The following WDR72 variants were observed in gnomAD, a reference collection of about 807,000 sequenced individuals.
WDR72 encodes WD repeat-containing protein 72.
A neutral mutation model predicts 124.2 loss-of-function variants in WDR72; 120 were observed. That is an observed-to-expected ratio of 0.97 (90% CI 0.83 to 1.12). WDR72 has a LOEUF of 1.12. WDR72 is among the 50% of genes most tolerant of loss of function. The pLI is 0.00. For missense variants in WDR72, 1,387 were observed against 1,278.8 expected (o/e 1.08, Z -1.29); for synonymous variants, 452 against 441.7 (o/e 1.02, Z -0.29).
chr15:53,742,415 G>T (rs1168653243), intron 1 of WDR72, among the ~76,000 whole-genome samples: 1 of 152,124 alleles, frequency 6.6e-6, no homozygotes, highest in Non-Finnish European at 1.5e-5. Flanking sequence ...AAGTTTTAAA[G>T]AAGTCTTTGG....
intron 1 of WDR72, among the ~76,000 whole-genome samples, chr15:53,735,547 A>C (rs1055562359): frequency 6.6e-6 from 1 of 152,208 alleles, no homozygotes; most frequent in African/African-American, 2.4e-5. Context: ...TTTATACTTT[A>C]AATGCATTTA....
At chr15:53,609,424 G>T in intron 17 of WDR72, 89 bp downstream of exon 17, 2 of 1,130,448 alleles carry the variant, frequency 1.8e-6, no homozygotes, top group East Asian at 4.9e-5. Context: ...AAGAGTAACT[G>T]CTTGTATTTT....
At chr15:53,688,551 A>G (rs2016725715) in intron 13 of WDR72, among the ~76,000 whole-genome samples, 1 of 152,146 alleles carries the variant, frequency 6.6e-6, no homozygotes, top group South Asian at 2.1e-4. Flanking sequence ...CCACTGCTCG[A>G]GGAAATAAAA....
chr15:53,650,468 G>C (rs1293431568), intron 14 of WDR72, among the ~76,000 whole-genome samples: 2 of 152,128 alleles, frequency 1.3e-5, no homozygotes, highest in Non-Finnish European at 2.9e-5. Flanking sequence ...CAGGTTCAAA[G>C]ACTTCCTCTT....
At chr15:53,673,024 G>C (rs1237977195) in intron 13 of WDR72, among the ~76,000 whole-genome samples, 1 of 152,112 alleles carries the variant, frequency 6.6e-6, no homozygotes, top group Non-Finnish European at 1.5e-5. Flanking sequence ...AGGAGGCTGA[G>C]GTGGGAGGAT....
At chr15:53,672,524 G>A (rs866323215) in intron 13 of WDR72, among the ~76,000 whole-genome samples, 2 of 152,096 alleles carry the variant, frequency 1.3e-5, no homozygotes, top group Non-Finnish European at 2.9e-5. Flanking sequence ...CTTAAATAGA[G>A]CAAATAATCA....
intron 13 of WDR72, among the ~76,000 whole-genome samples, chr15:53,689,858 C>A (rs534520306): frequency 1.3e-5 from 2 of 151,752 alleles, no homozygotes; most frequent in African/African-American, 2.4e-5. Flanking sequence ...AAATGTTGCA[C>A]GTATACACCA....
chr15:53,726,750 G>A (rs1248359359), intron 2 of WDR72, among the ~76,000 whole-genome samples: 2 of 151,988 alleles, frequency 1.3e-5, no homozygotes, highest in African/African-American at 4.8e-5. Context: ...AGGCTAAGGT[G>A]GAAGAATCGC....
At chr15:53,550,246 T>C (rs1011950696) in intron 18 of WDR72, among the ~76,000 whole-genome samples, 5 of 152,216 alleles carry the variant, frequency 3.3e-5, no homozygotes, top group African/African-American at 4.8e-5. Context: ...CCATATAGTC[T>C]CTATCAAAAC....
At chr15:53,567,455 CA>C (rs1233597430) in intron 18 of WDR72, among the ~76,000 whole-genome samples, 7 of 151,936 alleles carry the variant, frequency 4.6e-5, no homozygotes, top group African/African-American at 1.7e-4. Context: ...AACAAACAAA[CA>C]AAAAACCCTG....
At chr15:53,602,557 T>C (rs1257247983) in intron 17 of WDR72, among the ~76,000 whole-genome samples, 1 of 150,548 alleles carries the variant, frequency 6.6e-6, no homozygotes, top group Non-Finnish European at 1.5e-5. Flanking sequence ...AGCTGGTTTT[T>C]GGAAAATAAA....
At chr15:53,558,299 C>T (rs1371889708) in intron 18 of WDR72, among the ~76,000 whole-genome samples, 1 of 152,024 alleles carries the variant, frequency 6.6e-6, no homozygotes, top group Non-Finnish European at 1.5e-5. Context: ...TTTGCCTCGT[C>T]CTATCACCTG....
chr15:53,648,459 C>A lies in WDR72; in HGVS notation c.1962+17113G>T, dbSNP rs552651473. On this transcript the variant is annotated intron_variant, in intron 14 of 19. Coordinates refer to ENST00000360509, the MANE Select transcript of WDR72 (RefSeq NM_182758.4). Reference sequence around the variant, plus strand: ...TGAAATCAGCAGTATCAAGTTGATGCTTTCTAAACATCATACTAACAAGCT... The same window carrying A: ...TGAAATCAGCAGTATCAAGTTGATGATTTCTAAACATCATACTAACAAGCT... Among the ~76,000 whole-genome samples, 38 of 152,216 alleles carry A rather than the reference C, an allele frequency of 2.5e-4. No homozygotes were observed. The South Asian group carries it at 7.9e-3, about 32-fold the overall frequency.
intron 13 of WDR72, among the ~76,000 whole-genome samples, chr15:53,672,124 A>T (rs1416039378): frequency 6.6e-6 from 1 of 152,122 alleles, no homozygotes. Context: ...TGATAAAATT[A>T]ACTTTACTTC....
Position 53,722,826 on chromosome 15 carries a change from T to C in WDR72, c.236A>G (p.Tyr79Cys). 6.2e-7 allele frequency: 1 copy of C among 1,614,130 alleles called. No homozygotes were observed. Among genetic ancestry groups the C allele is most frequent in the Non-Finnish European group, 8.5e-7 (1 of 1,180,000 alleles). ...CCCATTTTCAGCAGCACTAACAATG[T>C]AGGGCTGTTTAGAGAAGTCCCTTGC... Reference protein sequence around the residue: ...ARARDFSKQPYIVSAAENGEM... With the variant: ...ARARDFSKQPCIVSAAENGEM... Residue 79 changes from tyrosine (Y) to cysteine (C), a missense_variant, in exon 3 of 20, where the codon TAC becomes TGC. Transcript: ENST00000360509.
At chr15:53,608,476 CAG>C (rs1405896454) in intron 17 of WDR72, among the ~76,000 whole-genome samples, 14 of 79,494 alleles carry the variant, frequency 1.8e-4, no homozygotes, top group Admixed American at 1.1e-3. Context: ...CAAAACAGGT[CAG>C]GTGAGATGGC....
intron 18 of WDR72, among the ~76,000 whole-genome samples, chr15:53,539,646 GAAA>G (rs796231959): frequency 2.1e-5 from 3 of 141,800 alleles, no homozygotes; most frequent in Non-Finnish European, 4.6e-5. Flanking sequence ...TAAACATTAG[GAAA>G]AAAAAAAACT....
At chr15:53,708,678 GTCA>G (rs1411250812) in intron 9 of WDR72, among the ~76,000 whole-genome samples, 1 of 152,110 alleles carries the variant, frequency 6.6e-6, no homozygotes, top group Non-Finnish European at 1.5e-5. Context: ...TGAAGTTTTT[GTCA>G]TCATCATCAC....
At position 53,717,378 on chromosome 15, in the gene WDR72, A is replaced by G. The variant is rs138069237; in HGVS notation, c.261-693T>C. Among the ~76,000 whole-genome samples, 895 of 152,328 alleles carry G rather than the reference A, an allele frequency of 5.9e-3. 14 individuals carry two copies. The highest frequency in any genetic ancestry group is 0.051 in the South Asian group (246 of 4,830). On this transcript the variant is annotated intron_variant, in intron 3 of 19. Coordinates refer to ENST00000360509, the MANE Select transcript of WDR72 (RefSeq NM_182758.4). Reference sequence around the variant, plus strand: ...TCTTCAGTCTTGAGAGTTTTAACACATAAGCAAAATTTTCCATGCAAGAAA... The same window carrying G: ...TCTTCAGTCTTGAGAGTTTTAACACGTAAGCAAAATTTTCCATGCAAGAAA...
Sources: gnomAD v4.1 joint callset for allele counts (sites outside exome capture counted in the v4.1 genomes callset) on GRCh38, gnomAD v4.1.1 for gene constraint, MANE v1.5 for transcripts, NCBI Gene and HGNC (gene_info 2026-07-23, HGNC 2026-07-21) for gene names.